The following DPP6 variants were observed in gnomAD, a reference collection of about 807,000 sequenced individuals.
DPP6 encodes dipeptidyl peptidase like 6.
DPP6 carries 69 observed loss-of-function variants against 122.6 expected under a neutral mutation model. The ratio of observed to expected loss-of-function variants is 0.56; its 90% CI spans 0.46 to 0.69. DPP6 has a LOEUF of 0.69. DPP6 is among the 30% of genes least tolerant of loss of function. The pLI, the probability that DPP6 is intolerant of heterozygous loss-of-function variation, is 0.00. For missense variants in DPP6, 928 were observed against 1,116.9 expected, an observed-to-expected ratio of 0.83 and a Z score of 2.41; for synonymous variants, 418 against 433.1, an observed-to-expected ratio of 0.97 and a Z score of 0.43.
At chr7:154,690,216 C>T (rs13232647) in intron 7 of DPP6, among the ~76,000 whole-genome samples, 8,131 of 152,188 alleles carry the variant, frequency 0.053, 296 homozygotes, top group African/African-American at 0.1. Context: ...GACCTGTGTC[C>T]TCAGATTCCC....
chr7:153,856,735 G>A, the DPP6 span, among the ~76,000 whole-genome samples: 1 of 152,150 alleles, frequency 6.6e-6, no homozygotes, highest in Admixed American at 6.5e-5. Context: ...TTAATTTAGG[G>A]TCAAGTGCTA....
chr7:153,834,998 A>G, the DPP6 span, among the ~76,000 whole-genome samples: 1 of 152,220 alleles, frequency 6.6e-6, no homozygotes, highest in African/African-American at 2.4e-5. Flanking sequence ...AGCAAAATTG[A>G]CAAGGAAGAA....
chr7:154,696,584 G>A (rs1563114324), intron 7 of DPP6, among the ~76,000 whole-genome samples: 1 of 152,156 alleles, frequency 6.6e-6, no homozygotes, highest in Non-Finnish European at 1.5e-5. Context: ...CCTAGCCCAG[G>A]GCCCAGAGCT....
intron 1 of DPP6, chr7:154,305,365 A>AAAAC: frequency 9.8e-7 from 1 of 1,016,868 alleles, no homozygotes; most frequent in Non-Finnish European, 1.2e-6. Context: ...TCCTCCCCAA[A>AAAAC]ATAGCCTTGT....
intron 7 of DPP6, among the ~76,000 whole-genome samples, chr7:154,707,762 C>T (rs767369702): frequency 1.2e-4 from 19 of 152,138 alleles, no homozygotes; most frequent in Non-Finnish European, 1.3e-4. Context: ...CACAGTTCCT[C>T]GTGGCTGAGG....
chr7:154,203,285 A>G lies in DPP6; in HGVS notation c.243+150222A>G, dbSNP rs113383358. Among the ~76,000 whole-genome samples the G allele has an allele frequency of 2.8e-3, 429 of 152,252 alleles. 2 individuals are homozygous for G. Among genetic ancestry groups the G allele is most frequent in the African/African-American group, 8.2e-3 (340 of 41,546 alleles). ...AGGTGGGTAGTGGAATACGGAAACA[A>G]TGATCCCATAAACCAGGCCCAAAGC... is the stretch of plus-strand genomic sequence containing the variant. On this transcript the variant is annotated intron_variant, in intron 1 of 25. Coordinates refer to ENST00000377770, the MANE Select transcript of DPP6 (RefSeq NM_130797.4).
intron 1 of DPP6, among the ~76,000 whole-genome samples, chr7:154,087,059 AT>A (rs1199511964): frequency 6.6e-6 from 1 of 151,844 alleles, no homozygotes; most frequent in South Asian, 2.1e-4. Context: ...GATGTTACAT[AT>A]TTTTTTCCCA....
At chr7:153,778,205 C>T in the DPP6 span, among the ~76,000 whole-genome samples, 1 of 149,106 alleles carries the variant, frequency 6.7e-6, no homozygotes, top group African/African-American at 2.6e-5. Flanking sequence ...CTGAGTTTTT[C>T]ATTGTGTAAG....
Position 154,374,603 on chromosome 7 carries a change from TTTTTTTTC to T in DPP6, c.244-71595_244-71588del, listed in dbSNP as rs1380606551. Among the ~76,000 whole-genome samples, 6 of 80,426 alleles carry T rather than the reference TTTTTTTTC, an allele frequency of 7.5e-5. No homozygotes were observed. The East Asian group carries it at 2.1e-3, about 28-fold the overall frequency. 52.8% of individuals were successfully genotyped at this position (80,426 alleles called of 152,430 possible). ...TTTCTGTTTATTTTTTCTTTTTCTG[TTTTTTTTC>T]TTTTTTTCTTTTTTTTTGAGACGCA... On this transcript the variant is annotated intron_variant, in intron 1 of 25. Transcript: ENST00000377770.
chr7:154,795,802 G>C (rs66486366), intron 11 of DPP6, 43 bp from the exon 12 acceptor site: 1 of 681,504 alleles, frequency 1.5e-6, no homozygotes, highest in Non-Finnish European at 1.8e-6. Flanking sequence ...AAAAAGAAAA[G>C]AAAAGAAAAA....
At chr7:154,404,264 C>G (rs945640071) in intron 1 of DPP6, among the ~76,000 whole-genome samples, 2 of 152,114 alleles carry the variant, frequency 1.3e-5, no homozygotes, top group Non-Finnish European at 2.9e-5. Flanking sequence ...TCTCATAAGG[C>G]AAATATTAGC....
At chr7:154,687,676 G>A (rs987079585) in intron 7 of DPP6, among the ~76,000 whole-genome samples, 3 of 152,028 alleles carry the variant, frequency 2.0e-5, no homozygotes, top group African/African-American at 7.3e-5. Context: ...GATATTCTTT[G>A]GCAGGAAGAT....
intron 12 of DPP6, 93 bp from the exon 13 acceptor site, chr7:154,801,261 GA>G: frequency 2.7e-6 from 4 of 1,496,070 alleles, no homozygotes; most frequent in Non-Finnish European, 3.6e-6. Flanking sequence ...AAATCACATA[GA>G]AAATGTATCT....
intron 5 of DPP6, among the ~76,000 whole-genome samples, chr7:154,605,729 C>T (rs1161265304): frequency 1.7e-5 from 2 of 117,964 alleles, no homozygotes; most frequent in African/African-American, 5.3e-5. Context: ...TGATTGATTC[C>T]TTCTTTCTGC....
chr7:154,161,364 G>A (rs1796973640), intron 1 of DPP6, among the ~76,000 whole-genome samples: 1 of 152,136 alleles, frequency 6.6e-6, no homozygotes, highest in Admixed American at 6.5e-5. Flanking sequence ...GGGCATGGTG[G>A]CTCATGCCTG....
At chr7:154,393,377 G>A (rs1473695679) in intron 1 of DPP6, among the ~76,000 whole-genome samples, 2 of 152,202 alleles carry the variant, frequency 1.3e-5, no homozygotes, top group Non-Finnish European at 2.9e-5. Context: ...AGCCTGGTAT[G>A]TGGACCAAGT....
chr7:153,820,064 T>C, the DPP6 span, among the ~76,000 whole-genome samples: 1 of 152,220 alleles, frequency 6.6e-6, no homozygotes, highest in African/African-American at 2.4e-5. Context: ...GAATGATATT[T>C]TCATATGCCT....
chr7:154,668,224 A>ATATAATATG (rs1838318389), intron 6 of DPP6, among the ~76,000 whole-genome samples: 1 of 22,070 alleles, frequency 4.5e-5, no homozygotes, highest in Non-Finnish European at 2.1e-4. Flanking sequence ...TATATAATAT[A>ATATAATATG]CACATTTTTT....
At chr7:154,296,782 C>G (rs1805569048) in intron 1 of DPP6, among the ~76,000 whole-genome samples, 1 of 152,184 alleles carries the variant, frequency 6.6e-6, no homozygotes, top group Non-Finnish European at 1.5e-5. Context: ...TTGGTGAACT[C>G]TTTGAATGCT....
Sources: gnomAD v4.1 joint callset for allele counts (sites outside exome capture counted in the v4.1 genomes callset) on GRCh38, gnomAD v4.1.1 for gene constraint, MANE v1.5 for transcripts, NCBI Gene and HGNC (gene_info 2026-07-23, HGNC 2026-07-21) for gene names.